GULP1: variants seen among roughly 807,000 people sequenced by gnomAD.
GULP1 encodes the protein PTB domain-containing engulfment adapter protein 1.
In GULP1, 19 loss-of-function variants were observed where a neutral mutation model predicts 40.9. The observed-to-expected ratio is 0.46, with a 90% confidence interval of 0.32 to 0.68. GULP1 has a LOEUF of 0.68. Among genes scored for constraint, GULP1 ranks in the 30% least tolerant of loss-of-function variants. GULP1 has a pLI of 0.03. For missense variants in GULP1, 312 were observed against 362.2 expected (o/e 0.86, Z 1.12); for synonymous variants, 119 against 117.6 (o/e 1.01, Z -0.08).
In GULP1 at chr2:188,372,722, C is replaced by T. The variant is rs558305635; in HGVS notation, c.-171-11041C>T. Among the ~76,000 whole-genome samples the T allele has an allele frequency of 5.3e-5, 8 of 151,968 alleles. No homozygotes were observed. In the South Asian group the frequency reaches 1.7e-3, roughly 31 times the overall value. ...CCTTTTTATGTTGATATTTCTGCCC[C>T]TTTTATTCTTCTGGAGATCTGTGAA... On this transcript the variant is annotated intron_variant, in intron 1 of 11. Coordinates refer to ENST00000409830, the MANE Select transcript of GULP1 (RefSeq NM_016315.4).
intron 1 of GULP1, among the ~76,000 whole-genome samples, chr2:188,310,122 C>A (rs145510829): frequency 6.6e-6 from 1 of 152,264 alleles, no homozygotes; most frequent in African/African-American, 2.4e-5. Flanking sequence ...GCTACATTTC[C>A]TAAGTGTTTA....
chr2:188,586,305 A>G (rs965510339), intron 10 of GULP1, among the ~76,000 whole-genome samples: 2 of 152,188 alleles, frequency 1.3e-5, no homozygotes, highest in African/African-American at 4.8e-5. Context: ...TCGTTTACTA[A>G]ATTTTTACTT....
chr2:188,435,466 A>G (rs1393265224), intron 2 of GULP1, among the ~76,000 whole-genome samples: 1 of 152,086 alleles, frequency 6.6e-6, no homozygotes, highest in African/African-American at 2.4e-5. Flanking sequence ...CAATTCCATT[A>G]TAAGAATCTT....
At chr2:188,560,738 A>T (rs1696034080) in intron 7 of GULP1, among the ~76,000 whole-genome samples, 1 of 152,196 alleles carries the variant, frequency 6.6e-6, no homozygotes, top group Admixed American at 6.5e-5. Context: ...ATACCTCAAG[A>T]AACACAATCA....
chr2:188,468,175 A>G (rs1186673767), intron 2 of GULP1, among the ~76,000 whole-genome samples: 3 of 152,154 alleles, frequency 2.0e-5, no homozygotes, highest in Non-Finnish European at 4.4e-5. Flanking sequence ...CTGTCAGAGA[A>G]TGATCTTTGA....
rs562834848 is a variant in GULP1, at chr2:188,332,325, G to T, written c.-172+40159G>T. Among the ~76,000 whole-genome samples the T allele has an allele frequency of 5.9e-5, 9 of 152,036 alleles. No individual in the cohort carries two copies. The South Asian group carries it at 1.9e-3, about 32-fold the overall frequency. ...CTGCCTCAGCCTCCCGAGTAGCTGG[G>T]ACTACAGGCATGTGCCACCACACCT... On this transcript the variant is annotated intron_variant, in intron 1 of 11. Coordinates refer to ENST00000409830, the MANE Select transcript of GULP1 (RefSeq NM_016315.4).
intron 6 of GULP1, among the ~76,000 whole-genome samples, chr2:188,538,099 T>TG (rs1286394014): frequency 1.3e-5 from 2 of 152,082 alleles, no homozygotes; most frequent in Non-Finnish European, 2.9e-5. Context: ...ATGTAGCTAG[T>TG]GGTCTAGTGA....
chr2:188,383,958 T>C (rs1335937126), intron 2 of GULP1, 69 bp downstream of exon 2: 1 of 152,168 alleles, frequency 6.6e-6, no homozygotes, highest in Non-Finnish European at 1.5e-5. Flanking sequence ...TAAAAATGCT[T>C]TTATTATGTG....
At chr2:188,443,717 T>C (rs1473848038) in intron 2 of GULP1, among the ~76,000 whole-genome samples, 3 of 151,256 alleles carry the variant, frequency 2.0e-5, no homozygotes, top group East Asian at 2.0e-4. Context: ...GACAGAGTCT[T>C]GCTCTGTCGC....
chr2:188,544,961 G>C (rs1467405259), intron 7 of GULP1, among the ~76,000 whole-genome samples: 3 of 151,826 alleles, frequency 2.0e-5, no homozygotes, highest in Non-Finnish European at 2.9e-5. Flanking sequence ...GAAAACTAAA[G>C]ACAAAAGAAA....
chr2:188,594,223 A>G lies in GULP1; in HGVS notation c.*212A>G, dbSNP rs1576354615. ...TTACTGTAAAGTAGATCATACTTTT[A>G]TGTTCCTTTCTGTTTCTACTGTAGA... On this transcript the variant is annotated 3_prime_UTR_variant, in exon 12 of 12. Coordinates refer to ENST00000409830, the MANE Select transcript of GULP1 (RefSeq NM_016315.4). 1.4e-5 allele frequency: 5 copies of G among 364,332 alleles called. No individual in the cohort carries two copies. In the East Asian group the frequency reaches 2.0e-4, roughly 15 times the overall value. The allele number at this position is 364,332 out of a possible 1,614,324, so 22.6% of individuals were successfully genotyped here.
chr2:188,376,643 C>G (rs1358722480), intron 1 of GULP1, among the ~76,000 whole-genome samples: 1 of 152,254 alleles, frequency 6.6e-6, no homozygotes. Flanking sequence ...TAAACTTATA[C>G]TTCACTTGCA....
chr2:188,483,628 T>C (rs1471321567), intron 4 of GULP1, 136 bp downstream of exon 4: 7 of 418,938 alleles, frequency 1.7e-5, no homozygotes, highest in Non-Finnish European at 3.1e-5. Flanking sequence ...AATAAAATAA[T>C]TGTGGCATGG....
intron 2 of GULP1, among the ~76,000 whole-genome samples, chr2:188,458,188 CATTT>C (rs1559264208): frequency 6.6e-6 from 1 of 152,152 alleles, no homozygotes; most frequent in Non-Finnish European, 1.5e-5. Flanking sequence ...TGCTTCTGTT[CATTT>C]AAGGACAGGG....
At chr2:188,554,863 G>A (rs542519884) in intron 7 of GULP1, among the ~76,000 whole-genome samples, 1 of 151,766 alleles carries the variant, frequency 6.6e-6, no homozygotes, top group Non-Finnish European at 1.5e-5. Flanking sequence ...TTGTTATATC[G>A]TCTCACTGGA....
At chr2:188,422,892 C>T (rs1464563218) in intron 2 of GULP1, among the ~76,000 whole-genome samples, 1 of 152,072 alleles carries the variant, frequency 6.6e-6, no homozygotes, top group African/African-American at 2.4e-5. Context: ...GAGGCACCCT[C>T]CTTGTACAGC....
intron 4 of GULP1, among the ~76,000 whole-genome samples, chr2:188,514,040 A>AGTGTGCGTGTGT (rs2064902362): frequency 8.1e-6 from 1 of 122,998 alleles, no homozygotes. Context: ...TCCCCTTCTG[A>AGTGTGCGTGTGT]GTGTGTGTGT....
intron 1 of GULP1, among the ~76,000 whole-genome samples, chr2:188,372,946 T>C (rs1182247605): frequency 1.3e-5 from 2 of 152,044 alleles, no homozygotes; most frequent in Non-Finnish European, 2.9e-5. Context: ...TTCTGCGTTT[T>C]ATCCTTCTAT....
At chr2:188,520,559 TC>T (rs1158535699) in intron 4 of GULP1, among the ~76,000 whole-genome samples, 1 of 150,864 alleles carries the variant, frequency 6.6e-6, no homozygotes, top group Non-Finnish European at 1.5e-5. Flanking sequence ...GTAACTGTTG[TC>T]CCTTACAGAA....
Sources: gnomAD v4.1 joint callset for allele counts (sites outside exome capture counted in the v4.1 genomes callset) on GRCh38, gnomAD v4.1.1 for gene constraint, MANE v1.5 for transcripts, NCBI Gene and HGNC (gene_info 2026-07-23, HGNC 2026-07-21) for gene names.